The following PRLR variants were observed in gnomAD, a reference collection of about 807,000 sequenced individuals.
PRLR encodes the protein hPRL receptor.
Under a neutral mutation model 40.2 loss-of-function variants are expected in PRLR, and 13 were observed. The ratio of observed to expected loss-of-function variants is 0.32; its 90% CI spans 0.21 to 0.51. PRLR has a LOEUF of 0.51. Ranked by LOEUF, PRLR falls within the 20% of genes least tolerant of loss-of-function variation. PRLR has a pLI of 0.97. For missense variants in PRLR, 656 were observed against 747.3 expected (o/e 0.88, Z 1.42); for synonymous variants, 269 against 278.7 (o/e 0.97, Z 0.35).
At chr5:35,113,485 CCAT>C (rs748572256) in intron 2 of PRLR, among the ~76,000 whole-genome samples, 13,875 of 147,684 alleles carry the variant, frequency 0.094, 1,596 homozygotes, top group African/African-American at 0.25. Context: ...ATCCATCCAT[CCAT>C]CCACCCACCC....
chr5:35,222,237 AG>A (rs1473913440), intron 1 of PRLR, among the ~76,000 whole-genome samples: 1 of 151,962 alleles, frequency 6.6e-6, no homozygotes, highest in African/African-American at 2.4e-5. Flanking sequence ...CGGGAGGCAG[AG>A]GTTGCGGTGA....
chr5:35,219,871 G>T (rs1218294380), intron 1 of PRLR, among the ~76,000 whole-genome samples: 1 of 152,084 alleles, frequency 6.6e-6, no homozygotes, highest in African/African-American at 2.4e-5. Flanking sequence ...CAAAACAAGG[G>T]GTCTAAAACA....
At chr5:35,127,306 GT>G (rs1773503752) in intron 1 of PRLR, among the ~76,000 whole-genome samples, 2 of 152,122 alleles carry the variant, frequency 1.3e-5, no homozygotes, top group South Asian at 2.1e-4. Flanking sequence ...TCATTCAAAT[GT>G]TATTTTATTA....
chr5:35,184,316 C>A (rs1280964135), intron 1 of PRLR, among the ~76,000 whole-genome samples: 2 of 152,098 alleles, frequency 1.3e-5, no homozygotes, highest in African/African-American at 4.8e-5. Flanking sequence ...GAGTTTGAGA[C>A]CAGCCTGGGC....
At chr5:35,193,053 A>G (rs1373044586) in intron 1 of PRLR, among the ~76,000 whole-genome samples, 1 of 152,158 alleles carries the variant, frequency 6.6e-6, no homozygotes, top group Non-Finnish European at 1.5e-5. Flanking sequence ...CAGAGTCACC[A>G]TGGGGCCCTT....
chr5:35,150,279 T>A (rs980574210), intron 1 of PRLR, among the ~76,000 whole-genome samples: 14 of 152,242 alleles, frequency 9.2e-5, no homozygotes, highest in Admixed American at 8.5e-4. Context: ...GATTGTTCTA[T>A]GGTTTTCCAT....
At chr5:35,054,124 T>C (rs546704310), downstream of PRLR, among the ~76,000 whole-genome samples, 2 of 152,354 alleles carry the variant, frequency 1.3e-5, no homozygotes, top group Admixed American at 6.5e-5. Context: ...TTTATGCTCA[T>C]TGAATTGTCA....
chr5:35,210,000 T>C (rs1305749128), intron 1 of PRLR, among the ~76,000 whole-genome samples: 3 of 152,192 alleles, frequency 2.0e-5, no homozygotes, highest in Non-Finnish European at 4.4e-5. Context: ...CTTGAGAGCT[T>C]GGGGACTGGT....
At chr5:35,086,791 T>C (rs73072903) in intron 3 of PRLR, among the ~76,000 whole-genome samples, 4,681 of 152,028 alleles carry the variant, frequency 0.031, 263 homozygotes, top group African/African-American at 0.11. Flanking sequence ...GTATGAGCAA[T>C]CCGCAGACAC....
chr5:35,182,636 G>C (rs13159459), intron 1 of PRLR, among the ~76,000 whole-genome samples: 22,107 of 152,146 alleles, frequency 0.15, 1,983 homozygotes, highest in African/African-American at 0.25. Flanking sequence ...GGCCTTTGCT[G>C]TTTCCACAGT....
rs1372978753 is a variant in PRLR at position 35,072,660 on chromosome 5, G to A, written c.458C>T (p.Pro153Leu). The change falls in exon 6 of 10, where the codon CCA (proline) becomes CTA (leucine). Residue 153 changes from proline (P) to leucine (L), a missense_variant. Pro to Leu is a moderately conservative substitution (Grantham distance 98). Coordinates refer to ENST00000618457, the MANE Select transcript of PRLR (RefSeq NM_000949.7). ...AGTTTTTAAGTCAATCAGGGTAGGT[G>A]GAGACCATTTAATCCACAGGTAGGG... ...RKPYLWIKWSPPTLIDLKTGW... is the reference protein window; with the variant it reads ...RKPYLWIKWSLPTLIDLKTGW... 1.2e-6 allele frequency: 2 copies of A among 1,614,130 alleles called. No homozygotes were observed. The highest frequency in any genetic ancestry group is 2.2e-5 in the South Asian group (2 of 91,076).
rs559552378 is a variant in PRLR, at chr5:35,179,278, C to T, written c.-106+50990G>A. On this transcript the variant is annotated intron_variant, in intron 1 of 9. Transcript: ENST00000618457. ...CAAATAAAAGGATATATTTGCCACG[C>T]GAAGCCTTGTTTCCTGTCTTGATTC... is the stretch of plus-strand genomic sequence containing the variant. 1.1e-4 allele frequency among the ~76,000 whole-genome samples: 16 copies of T among 152,312 alleles called. No homozygotes were observed. In the East Asian group the frequency reaches 1.3e-3, roughly 13 times the overall value.
intron 1 of PRLR, among the ~76,000 whole-genome samples, chr5:35,188,327 G>T (rs1331833179): frequency 1.3e-5 from 2 of 152,172 alleles, no homozygotes; most frequent in Non-Finnish European, 2.9e-5. Context: ...ATTCTAATCG[G>T]TGAGCAAACA....
chr5:35,224,923 A>AAAAG (rs34365046), intron 1 of PRLR, among the ~76,000 whole-genome samples: 88,886 of 151,784 alleles, frequency 0.59, 27,406 homozygotes, highest in Non-Finnish European at 0.69. Context: ...GCTAGTGGAC[A>AAAAG]AAAGAAACCA....
rs754923118 is a variant in PRLR, at chr5:35,086,301, C to T, written c.110G>A (p.Arg37His). 56 of 1,613,812 alleles carry T rather than the reference C, an allele frequency of 3.5e-5. No individual in the cohort carries two copies. The highest frequency in any genetic ancestry group is 4.2e-5 in the Non-Finnish European group (49 of 1,179,936). Residue 37 changes from arginine (R) to histidine (H), a missense_variant, in exon 4 of 10, where the codon CGT (arginine) becomes CAT (histidine). By Grantham distance (29) the Arg-to-His change is conservative. Coordinates refer to ENST00000618457, the MANE Select transcript of PRLR (RefSeq NM_000949.7). ...PPGKPEIFKC[R>H]SPNKETFTCW... is the part of the protein sequence containing the mutation. ...GGTGAATGTTTCCTTATTGGGAGAA[C>T]GACATTTAAAGATCTCAGGTTTTCC...
At chr5:35,112,046 C>T (rs1772693977) in intron 2 of PRLR, among the ~76,000 whole-genome samples, 1 of 152,174 alleles carries the variant, frequency 6.6e-6, no homozygotes, top group Non-Finnish European at 1.5e-5. Flanking sequence ...ATAGAAATTA[C>T]TTGTATGTTT....
intron 1 of PRLR, among the ~76,000 whole-genome samples, chr5:35,162,928 T>C (rs1774718255): frequency 6.6e-6 from 1 of 152,182 alleles, no homozygotes; most frequent in Non-Finnish European, 1.5e-5. Flanking sequence ...TTTGCCTCTA[T>C]TTTCTGCCAG....
chr5:35,200,092 T>C (rs4703509), intron 1 of PRLR, among the ~76,000 whole-genome samples: 46,676 of 152,080 alleles, frequency 0.31, 8,015 homozygotes, highest in African/African-American at 0.46. Context: ...TTGTAACCAG[T>C]TGGTTGTGTA....
chr5:35,160,310 A>T (rs796207584), intron 1 of PRLR, among the ~76,000 whole-genome samples: 15 of 152,364 alleles, frequency 9.8e-5, no homozygotes, highest in African/African-American at 3.6e-4. Context: ...CCTTCATGCT[A>T]CAATGACACA....
Sources: allele counts gnomAD v4.1 joint callset (sites outside exome capture counted in the v4.1 genomes callset), GRCh38; gene constraint gnomAD v4.1.1; transcripts MANE v1.5; gene names NCBI Gene and HGNC (gene_info 2026-07-23, HGNC 2026-07-21).